Variants in SNU13 observed in about 807,000 individuals in gnomAD.
SNU13 encodes NHP2-like protein 1.
SNU13 carries 2 observed loss-of-function variants against 12.4 expected under a neutral mutation model. The observed-to-expected ratio is 0.16, with a 90% CI of 0.07 to 0.51. SNU13 has a LOEUF of 0.51. SNU13 is among the 20% of genes least tolerant of loss of function. The probability of loss-of-function intolerance (pLI) is 0.96; values close to 1 mark genes in which losing one functional copy is unlikely to be tolerated. For synonymous variants in SNU13, 68 were observed against 66.5 expected (o/e 1.02, Z -0.11); for missense variants, 66 against 157.8 (o/e 0.42, Z 3.12).
At chr22:41,689,099 T>G, upstream of SNU13, 1 of 1,118,960 alleles carries the variant, frequency 8.9e-7, no homozygotes, top group Non-Finnish European at 1.1e-6. Context: ...CAGCGGCTTA[T>G]GGCTGTAATC....
At chr22:41,688,002 A>G (rs756697334) in intron 1 of SNU13, 1 of 152,164 alleles carries the variant, frequency 6.6e-6, no homozygotes, top group Non-Finnish European at 1.5e-5. Context: ...GGAAGGATTA[A>G]CTATAGAAGT....
chr22:41,675,881 G>T (rs943997580), intron 2 of SNU13, among the ~76,000 whole-genome samples: 4 of 151,132 alleles, frequency 2.6e-5, no homozygotes, highest in African/African-American at 9.7e-5. Flanking sequence ...CTCCCAAGTA[G>T]CTGGGATTAC....
In SNU13 at chr22:41,674,987, C is replaced by A; in HGVS notation, c.333G>T (p.Gln111His). The A allele has an allele frequency of 6.2e-7, 1 of 1,614,106 alleles. No individual in the cohort carries two copies. Among genetic ancestry groups the A allele is most frequent in the Non-Finnish European group, 8.5e-7 (1 of 1,180,002 alleles). The change falls in exon 3 of 3, where the codon CAG becomes CAT. Residue 111 changes from glutamine (Q) to histidine (H), a missense_variant. Gln to His is a conservative substitution (Grantham distance 24, BLOSUM62 0). Transcript: ENST00000401959. ...ACSVTIKEGS[Q>H]LKQQIQSIQQ... ...GAATGGATTGGATCTGCTGTTTCAG[C>A]TGCGAGCCTTCTTTGATGGTGACAG... is the stretch of plus-strand genomic sequence containing the variant.
At chr22:41,690,106 G>A (rs1267606816), upstream of SNU13, among the ~76,000 whole-genome samples, 1 of 152,074 alleles carries the variant, frequency 6.6e-6, no homozygotes, top group Non-Finnish European at 1.5e-5. Context: ...AGTCTTCAGG[G>A]TAACATTTAT....
intron 1 of SNU13, among the ~76,000 whole-genome samples, chr22:41,685,515 G>A (rs1050533729): frequency 2.0e-5 from 3 of 151,494 alleles, no homozygotes; most frequent in African/African-American, 7.3e-5. Flanking sequence ...CACCATGCCC[G>A]GCTAATTTTT....
rs751080696 is a variant in SNU13, at chr22:41,680,239, CT to C, written c.124+4del. The C allele has an allele frequency of 1.2e-5, 19 of 1,612,692 alleles. No homozygotes were observed. The highest frequency in any genetic ancestry group is 8.9e-5 in the East Asian group (4 of 44,852). On this transcript the variant is annotated splice_donor_region_variant and intron_variant, in intron 2 of 2. Transcript: ENST00000401959. ...TTCCCCCAGAGCATCCTGTGGCTGCCTTACCCTCATTGGCTCCTTTCCGAAG... is the reference window on the plus strand; with the variant it reads ...TTCCCCCAGAGCATCCTGTGGCTGCCTACCCTCATTGGCTCCTTTCCGAAG...
chr22:41,686,387 C>T (rs955937936), intron 1 of SNU13, among the ~76,000 whole-genome samples: 5 of 151,622 alleles, frequency 3.3e-5, no homozygotes, highest in African/African-American at 1.2e-4. Context: ...TCACCGAAAC[C>T]TCTGCCTTCC....
chr22:41,682,583 G>T, intron 1 of SNU13: 1 of 1,440,894 alleles, frequency 6.9e-7, no homozygotes, highest in South Asian at 1.4e-5. Flanking sequence ...TTGGTCCCAG[G>T]ACAACTAGGA....
intron 2 of SNU13, among the ~76,000 whole-genome samples, chr22:41,676,525 CTAATTCT>C (rs1486113053): frequency 1.1e-5 from 1 of 88,608 alleles, no homozygotes; most frequent in Non-Finnish European, 2.8e-5. Flanking sequence ...TCTTTTTAAC[CTAATTCT>C]TTTTTTTTTT....
At chr22:41,681,270 G>A (rs144760153) in intron 1 of SNU13, 2 of 152,246 alleles carry the variant, frequency 1.3e-5, no homozygotes, top group African/African-American at 4.8e-5. Flanking sequence ...TCCTATCAAA[G>A]CCATCCAGTG....
chr22:41,679,251 A>AAAAAAT (rs1415783487), intron 2 of SNU13, among the ~76,000 whole-genome samples: 2 of 152,082 alleles, frequency 1.3e-5, no homozygotes, highest in Non-Finnish European at 2.9e-5. Flanking sequence ...TCTACTTGAA[A>AAAAAAT]AAAAATAAAA....
In SNU13 at chr22:41,675,089, A is replaced by C; in HGVS notation, c.231T>G (p.Asn77Lys). ...LHLPLLCEDK[N>K]VPYVFVRSKQ... ...TGGAGCGCACAAACACGTAGGGCAC[A>C]TTCTTGTCTTCACACAGCAGCGGCA... The change falls in exon 3 of 3, where the codon AAT (asparagine) becomes AAG (lysine). Residue 77 changes from asparagine (N) to lysine (K), a missense_variant. Transcript: ENST00000401959. 1 of 1,614,106 alleles carries C rather than the reference A, an allele frequency of 6.2e-7. No individual in the cohort carries two copies. Among genetic ancestry groups the C allele is most frequent in the Non-Finnish European group, 8.5e-7 (1 of 1,179,988 alleles).
intron 2 of SNU13, among the ~76,000 whole-genome samples, chr22:41,677,487 A>G (rs1012953527): frequency 1.3e-5 from 2 of 152,124 alleles, no homozygotes; most frequent in African/African-American, 2.4e-5. Flanking sequence ...ATCAATGCCA[A>G]TGCACTCCAG....
At chr22:41,682,362 G>T in intron 1 of SNU13, 1 of 1,613,962 alleles carries the variant, frequency 6.2e-7, no homozygotes, top group Non-Finnish European at 8.5e-7. Flanking sequence ...TCACCATAGC[G>T]TCTGTCTTGG....
In SNU13 at chr22:41,682,422, G is replaced by A. The variant is rs1020586400; in HGVS notation, c.4-2058C>T. The A allele has an allele frequency of 5.0e-6, 8 of 1,612,648 alleles. No homozygotes were observed. The Admixed American group carries it at 6.7e-5, about 13-fold the overall frequency. On this transcript the variant is annotated intron_variant, in intron 1 of 2. Transcript: ENST00000401959. ...GATACCACGCGTGTCGGTTTGGACG[G>A]TCTGCTGCCCAGCACCGCAAGGACA...
intron 1 of SNU13, chr22:41,682,586 A>G (rs2068274614): frequency 7.0e-7 from 1 of 1,438,460 alleles, no homozygotes; most frequent in Non-Finnish European, 9.1e-7. Context: ...GTCCCAGGAC[A>G]ACTAGGAAGA....
intron 2 of SNU13, chr22:41,679,622 T>C (rs1569107962): frequency 2.0e-5 from 3 of 151,960 alleles, no homozygotes; most frequent in African/African-American, 7.2e-5. Flanking sequence ...GAGAGTATCC[T>C]ATATCACCTC....
upstream of SNU13, chr22:41,688,922 T>G (rs1601578891): frequency 1.4e-6 from 2 of 1,446,884 alleles, no homozygotes; most frequent in Non-Finnish European, 1.8e-6. Flanking sequence ...GAAGCGAAGG[T>G]GACGCTACGC....
chr22:41,680,614 C>G (rs532548754), intron 1 of SNU13, among the ~76,000 whole-genome samples: 1 of 152,154 alleles, frequency 6.6e-6, no homozygotes, highest in Non-Finnish European at 1.5e-5. Flanking sequence ...TTTCTTCAGC[C>G]GAATGTTTGA....
Sources: gnomAD v4.1 joint callset for allele counts (sites outside exome capture counted in the v4.1 genomes callset) on GRCh38, gnomAD v4.1.1 for gene constraint, MANE v1.5 for transcripts, NCBI Gene and HGNC (gene_info 2026-07-23, HGNC 2026-07-21) for gene names.